The following IL2RA variants were observed in gnomAD, a reference collection of about 807,000 sequenced individuals.
IL2RA encodes interleukin-2 receptor subunit alpha.
A neutral mutation model predicts 37.8 loss-of-function variants in IL2RA; 24 were observed. The ratio of observed to expected loss-of-function variants is 0.63; its 90% CI spans 0.46 to 0.89. The LOEUF (loss-of-function observed/expected upper bound fraction) is 0.89, where lower values mean the gene tolerates loss of function less well. Ranked by LOEUF, IL2RA falls within the 40% of genes least tolerant of loss-of-function variation. The pLI, the probability that IL2RA is intolerant of heterozygous loss-of-function variation, is 0.00. For synonymous variants in IL2RA, 125 were observed against 114.6 expected (o/e 1.09, Z -0.58); for missense variants, 319 against 348.6 (o/e 0.92, Z 0.68).
rs1282893882 is a variant in IL2RA at position 6,014,216 on chromosome 10, C to T, written c.795-1320G>A. Among the ~76,000 whole-genome samples the T allele has an allele frequency of 6.6e-6, 1 of 152,206 alleles. No individual in the cohort carries two copies. The highest frequency in any genetic ancestry group is 1.5e-5 in the Non-Finnish European group (1 of 68,032). The stretch of plus-strand genomic sequence containing the variant: ...GCTCTCACAAGCCACTGTGAGCCTT[C>T]TGTAGCACATCACGGGCTCCTGGTC... On this transcript the variant is annotated intron_variant, in intron 7 of 7. Coordinates refer to ENST00000379959, the MANE Select transcript of IL2RA (RefSeq NM_000417.3). This position sits in a 1 kb window ranked among gnomAD's most constrained non-coding sequence, Gnocchi z 4.4.
At chr10:6,013,817 A>C (rs956662071) in intron 7 of IL2RA, among the ~76,000 whole-genome samples, 2 of 147,230 alleles carry the variant, frequency 1.4e-5, no homozygotes, top group Admixed American at 1.4e-4. Flanking sequence ...TTAAATTGTA[A>C]ATTTAAATAT....
In IL2RA at chr10:6,012,658, G is replaced by A; in HGVS notation, c.*214C>T. On this transcript the variant is annotated 3_prime_UTR_variant, in exon 8 of 8. Transcript: ENST00000379959. This position sits in a 1 kb window ranked among gnomAD's most constrained non-coding sequence, Gnocchi z 4.8. ...CGGCGAAATTGCTATTTAGAAGTGG[G>A]TAGCGCTCGCTCTCTGATGGGACTG... 3 of 620,864 alleles carry A rather than the reference G, an allele frequency of 4.8e-6. No individual in the cohort carries two copies. The South Asian group carries it at 5.8e-5, about 12-fold the overall frequency. The allele number at this position is 620,864 out of a possible 1,614,324, so 38.5% of individuals were successfully genotyped here. A position where few individuals can be genotyped will look rare whatever the true frequency, so the allele number is the denominator to read the frequency against.
rs778662335 is a variant in IL2RA, at chr10:6,012,826, G to T, written c.*46C>A. The T allele has an allele frequency of 6.3e-7, 1 of 1,595,724 alleles. No homozygotes were observed. The highest frequency in any genetic ancestry group is 8.6e-7 in the Non-Finnish European group (1 of 1,163,238). ...TCACTTGGGCTTCATGACTTCTGTT[G>T]TCTGTTCCCGGCTTCTTACCAAGAA... On this transcript the variant is annotated 3_prime_UTR_variant, in exon 8 of 8. Transcript: ENST00000379959. The surrounding 1 kb of genome is among the most constrained non-coding windows in gnomAD (Gnocchi z 4.8).
chr10:6,019,766 C>A (rs1310964213), intron 5 of IL2RA, 104 bp downstream of exon 5: 13 of 1,083,360 alleles, frequency 1.2e-5, no homozygotes, highest in Non-Finnish European at 1.9e-5. Context: ...CTGTGGGCTT[C>A]TCCCCTACAG....
At position 6,046,780 on chromosome 10, in the gene IL2RA, A is replaced by G. The variant is rs12722508; in HGVS notation, c.64+15308T>C. Among the ~76,000 whole-genome samples, 5 of 152,166 alleles carry G rather than the reference A, an allele frequency of 3.3e-5. No homozygotes were observed. In the East Asian group the frequency reaches 9.6e-4, roughly 29 times the overall value. On this transcript the variant is annotated intron_variant, in intron 1 of 7. Transcript: ENST00000379959. This position sits in a 1 kb window ranked among gnomAD's most constrained non-coding sequence, Gnocchi z 4.8. ...ACAACATTTGATCTCTGATAGTTTC[A>G]GTGGGTGGGTTCTATTCTTTTCAAC...
intron 1 of IL2RA, among the ~76,000 whole-genome samples, chr10:6,055,267 T>C (rs978232313): frequency 5.9e-5 from 9 of 152,190 alleles, no homozygotes; most frequent in African/African-American, 1.2e-4. Flanking sequence ...AGACCAACCA[T>C]GGAAATCATT....
chr10:6,028,647 G>T lies in IL2RA; in HGVS notation c.65-2622C>A, dbSNP rs1422373635. On this transcript the variant is annotated intron_variant, in intron 1 of 7. Transcript: ENST00000379959. The surrounding 1 kb of genome is among the most constrained non-coding windows in gnomAD (Gnocchi z 4.1). The stretch of plus-strand genomic sequence containing the variant: ...GCAAATTAAAAGAAAATCTAGACAT[G>T]TGAAGAAACAGGAAAATGTGACATA... Among the ~76,000 whole-genome samples, 1 of 152,166 alleles carries T rather than the reference G, an allele frequency of 6.6e-6. No individual in the cohort carries two copies. The highest frequency in any genetic ancestry group is 1.5e-5 in the Non-Finnish European group (1 of 68,034).
rs1408879781 is a variant in IL2RA, at chr10:6,056,937, G to T, written c.64+5151C>A. On this transcript the variant is annotated intron_variant, in intron 1 of 7. Coordinates refer to ENST00000379959, the MANE Select transcript of IL2RA (RefSeq NM_000417.3). This position sits in a 1 kb window ranked among gnomAD's most constrained non-coding sequence, Gnocchi z 5.0. ...TCCCTGTCCAGGGCAGGAGCACAGT[G>T]GACCACCTGCTGCCCCTGTGTCTTG... 1.3e-5 allele frequency among the ~76,000 whole-genome samples: 2 copies of T among 152,172 alleles called. No individual in the cohort carries two copies. Among genetic ancestry groups the T allele is most frequent in the East Asian group, 1.9e-4 (1 of 5,170 alleles).
At chr10:6,042,049 A>G (rs1034403802) in intron 1 of IL2RA, among the ~76,000 whole-genome samples, 1 of 150,804 alleles carries the variant, frequency 6.6e-6, no homozygotes, top group Admixed American at 6.6e-5. Context: ...TCAACAATAC[A>G]TATGGTTGAT....
At position 6,021,399 on chromosome 10, in the gene IL2RA, AG is replaced by A; in HGVS notation, c.583+78del. ...TGTCCAAGGACCACTCTTGTCCAGC[AG>A]GAGTGGTCAGGGATTCCACTCTGGT... On this transcript the variant is annotated intron_variant, in intron 4 of 7. Transcript: ENST00000379959. This position sits in a 1 kb window ranked among gnomAD's most constrained non-coding sequence, Gnocchi z 4.9. 1 of 1,143,562 alleles carries A rather than the reference AG, an allele frequency of 8.7e-7. No individual in the cohort carries two copies. Among genetic ancestry groups the A allele is most frequent in the South Asian group, 1.2e-5 (1 of 81,444 alleles). The allele number at this position is 1,143,562 out of a possible 1,614,324, so 70.8% of individuals were successfully genotyped here.
chr10:6,019,462 C>T lies in IL2RA; in HGVS notation c.693G>A (p.Glu231=), dbSNP rs139266750. ...QIQTEMAATM[E]TSIFTTEYQV... is the part of the protein sequence containing the mutation. Reference sequence around the variant, plus strand: ...GGTACTCTGTTGTAAATATGGACGTCTCCATGGTTGCAGCCATTTCTGTCT... The same window carrying T: ...GGTACTCTGTTGTAAATATGGACGTTTCCATGGTTGCAGCCATTTCTGTCT... Residue 231 remains glutamate, a synonymous_variant, in exon 6 of 8, where the codon GAG becomes GAA. Coordinates refer to ENST00000379959, the MANE Select transcript of IL2RA (RefSeq NM_000417.3). 204 of 1,613,660 alleles carry T rather than the reference C, an allele frequency of 1.3e-4. No homozygotes were observed. The highest frequency in any genetic ancestry group is 1.6e-4 in the Non-Finnish European group (194 of 1,179,632).
At position 6,021,907 on chromosome 10, in the gene IL2RA, G is replaced by T. The variant is rs1228742409; in HGVS notation, c.368-214C>A. Among the ~76,000 whole-genome samples, 1 of 152,222 alleles carries T rather than the reference G, an allele frequency of 6.6e-6. No homozygotes were observed. Among genetic ancestry groups the T allele is most frequent in the Non-Finnish European group, 1.5e-5 (1 of 68,048 alleles). On this transcript the variant is annotated intron_variant, in intron 3 of 7. Coordinates refer to ENST00000379959, the MANE Select transcript of IL2RA (RefSeq NM_000417.3). This position sits in a 1 kb window ranked among gnomAD's most constrained non-coding sequence, Gnocchi z 4.9. ...GAAGACCCTGTCACTCCTGCAAGGG[G>T]TGGACAGTGGATTGGGTAAGAAAGG...
chr10:6,033,855 C>G lies in IL2RA; in HGVS notation c.65-7830G>C, dbSNP rs1366244384. On this transcript the variant is annotated intron_variant, in intron 1 of 7. Transcript: ENST00000379959. This position sits in a 1 kb window ranked among gnomAD's most constrained non-coding sequence, Gnocchi z 4.3. ...GCTGTACACATTTGTCAAAACTCAT[C>G]AAATTGTATGCCGCAGATCTATGCA... Among the ~76,000 whole-genome samples, 2 of 152,196 alleles carry G rather than the reference C, an allele frequency of 1.3e-5. No homozygotes were observed. Among genetic ancestry groups the G allele is most frequent in the Non-Finnish European group, 2.9e-5 (2 of 68,038 alleles).
In IL2RA at chr10:6,029,277, G is replaced by A. The variant is rs1448771643; in HGVS notation, c.65-3252C>T. ...CCCCCCGGGTTCAAGCGATTCTCCTGCCTCAGCCTCCCAAGTAGCTGGGAT... is the reference window on the plus strand; with the variant it reads ...CCCCCCGGGTTCAAGCGATTCTCCTACCTCAGCCTCCCAAGTAGCTGGGAT... On this transcript the variant is annotated intron_variant, in intron 1 of 7. Coordinates refer to ENST00000379959, the MANE Select transcript of IL2RA (RefSeq NM_000417.3). This position sits in a 1 kb window ranked among gnomAD's most constrained non-coding sequence, Gnocchi z 4.6. Among the ~76,000 whole-genome samples the A allele has an allele frequency of 6.6e-6, 1 of 150,740 alleles. No individual in the cohort carries two copies. The highest frequency in any genetic ancestry group is 2.4e-5 in the African/African-American group (1 of 40,950).
rs74334757 is a variant in IL2RA, at chr10:6,048,121, C to A, written c.64+13967G>T. Reference sequence around the variant, plus strand: ...TGCATCCTGCTCCCGTGGCCCCTGACCCTCAACTGCCCTTGTCATGTGCCC... The same window carrying A: ...TGCATCCTGCTCCCGTGGCCCCTGAACCTCAACTGCCCTTGTCATGTGCCC... On this transcript the variant is annotated intron_variant, in intron 1 of 7. Coordinates refer to ENST00000379959, the MANE Select transcript of IL2RA (RefSeq NM_000417.3). The surrounding 1 kb of genome is among the most constrained non-coding windows in gnomAD (Gnocchi z 5.3). Among the ~76,000 whole-genome samples the A allele has an allele frequency of 1.4e-4, 22 of 152,242 alleles. No individual in the cohort carries two copies. The highest frequency in any genetic ancestry group is 2.4e-4 in the Non-Finnish European group (16 of 68,048).
chr10:6,030,219 G>GA (rs1244021735), intron 1 of IL2RA, among the ~76,000 whole-genome samples: 4 of 152,010 alleles, frequency 2.6e-5, no homozygotes, highest in African/African-American at 7.2e-5. Context: ...GAATGGAGCA[G>GA]AAAAAATATA....
Position 6,012,979 on chromosome 10 carries a change from G to A in IL2RA, c.795-83C>T, listed in dbSNP as rs141539913. The A allele has an allele frequency of 5.8e-5, 75 of 1,289,522 alleles. No individual in the cohort carries two copies. Among genetic ancestry groups the A allele is most frequent in the Non-Finnish European group, 7.7e-5 (68 of 884,914 alleles). The allele number at this position is 1,289,522 out of a possible 1,614,324, so 79.9% of individuals were successfully genotyped here. A position where few individuals can be genotyped will look rare whatever the true frequency, so the allele number is the denominator to read the frequency against. On this transcript the variant is annotated intron_variant, in intron 7 of 7. Transcript: ENST00000379959. The surrounding 1 kb of genome is among the most constrained non-coding windows in gnomAD (Gnocchi z 4.8). ...GTCCTCACTCTAAACCAGTGCACAC[G>A]CCACCATGCCTGGCTAATTTTTGTA...
In IL2RA at chr10:6,031,193, C is replaced by T. The variant is rs116082879; in HGVS notation, c.65-5168G>A. ...GAAACTTTCAGACTGGATTAAACAG[C>T]AGGGCCCAACTATATGCTGTCTTCA... On this transcript the variant is annotated intron_variant, in intron 1 of 7. Transcript: ENST00000379959. Among the ~76,000 whole-genome samples, 867 of 151,712 alleles carry T rather than the reference C, an allele frequency of 5.7e-3. 16 individuals carry two copies. Among genetic ancestry groups the T allele is most frequent in the African/African-American group, 0.02 (824 of 41,406 alleles).
At position 6,051,508 on chromosome 10, in the gene IL2RA, TATATATA is replaced by T. The variant is rs1430276010; in HGVS notation, c.64+10573_64+10579del. Among the ~76,000 whole-genome samples, 498 of 113,194 alleles carry T rather than the reference TATATATA, an allele frequency of 4.4e-3. 5 individuals are homozygous for T. The highest frequency in any genetic ancestry group is 0.015 in the African/African-American group (459 of 30,294). 74.3% of individuals were successfully genotyped at this position (113,194 alleles called of 152,430 possible). ...AAATACACACAAATATATATATATA[TATATATA>T]TATTTTTTTTCTTTTTTTTTTTGAG... On this transcript the variant is annotated intron_variant, in intron 1 of 7. Coordinates refer to ENST00000379959, the MANE Select transcript of IL2RA (RefSeq NM_000417.3).
Sources: gnomAD v4.1 joint callset for allele counts (sites outside exome capture counted in the v4.1 genomes callset) on GRCh38, gnomAD v4.1.1 for gene constraint, Gnocchi (gnomAD v3.1) non-coding constraint, MANE v1.5 for transcripts, NCBI Gene and HGNC (gene_info 2026-07-23, HGNC 2026-07-21) for gene names.